Variants in CENPP observed in about 807,000 individuals in gnomAD.
The protein encoded by CENPP is centromere protein P.
CENPP carries 24 observed loss-of-function variants against 35.6 expected under a neutral mutation model. That is an observed-to-expected ratio of 0.67 (90% CI 0.49 to 0.95). CENPP has a LOEUF of 0.95. CENPP is among the 40% of genes least tolerant of loss of function. The pLI, the probability that CENPP is intolerant of heterozygous loss-of-function variation, is 0.00. For synonymous variants in CENPP, 120 were observed against 125.5 expected, an observed-to-expected ratio of 0.96 and a Z score of 0.29; for missense variants, 332 against 345.3, an observed-to-expected ratio of 0.96 and a Z score of 0.31.
chr9:92,387,362 C>T (rs538914709), intron 5 of CENPP, among the ~76,000 whole-genome samples: 22 of 149,080 alleles, frequency 1.5e-4, no homozygotes, highest in Non-Finnish European at 2.8e-4. Flanking sequence ...GGCCACAGAA[C>T]GAGACTCCAT....
intron 5 of CENPP, among the ~76,000 whole-genome samples, chr9:92,387,823 T>G (rs113503267): frequency 0.036 from 5,408 of 151,840 alleles, 131 homozygotes; most frequent in South Asian, 0.086. Context: ...TAGTGCAGTG[T>G]CATGATCTGA....
chr9:92,430,011 G>A (rs1188815306), intron 5 of CENPP, among the ~76,000 whole-genome samples: 1 of 152,196 alleles, frequency 6.6e-6, no homozygotes, highest in Non-Finnish European at 1.5e-5. Context: ...GTGCTAGTGT[G>A]TCTGAGGGGT....
chr9:92,458,233 C>G (rs1360165312), intron 5 of CENPP, among the ~76,000 whole-genome samples: 1 of 152,114 alleles, frequency 6.6e-6, no homozygotes. Context: ...CTTTAACAGC[C>G]CTTCTAATTT....
intron 5 of CENPP, among the ~76,000 whole-genome samples, chr9:92,571,283 T>G (rs1203461102): frequency 6.6e-6 from 1 of 152,226 alleles, no homozygotes; most frequent in African/African-American, 2.4e-5. Context: ...TGTTGTGTCT[T>G]TGTTCTCATT....
Position 92,332,198 on chromosome 9 carries a change from A to G in CENPP, c.136A>G (p.Asn46Asp). The G allele has an allele frequency of 1.2e-6, 2 of 1,606,382 alleles. No individual in the cohort carries two copies. The highest frequency in any genetic ancestry group is 1.7e-6 in the Non-Finnish European group (2 of 1,177,790). Residue 46 changes from asparagine (N) to aspartate (D), a missense_variant, in exon 2 of 8, where the codon AAT becomes GAT. Coordinates refer to ENST00000375587, the MANE Select transcript of CENPP (RefSeq NM_001012267.3). ...QKSFQAIHQF[N>D]LEGWKSSKDL... ...ATCTTTTCAAGCCATACACCAATTC[A>G]ATTTGGAAGGATGGAAGTCTTCAAA...
intron 5 of CENPP, chr9:92,517,517 CT>C: frequency 1.2e-6 from 1 of 857,638 alleles, no homozygotes; most frequent in Non-Finnish European, 1.8e-6. Flanking sequence ...TTTATATCCC[CT>C]ACCATACATT....
intron 5 of CENPP, among the ~76,000 whole-genome samples, chr9:92,597,665 T>G (rs567193105): frequency 1.9e-4 from 29 of 152,252 alleles, no homozygotes; most frequent in Non-Finnish European, 3.5e-4. Context: ...GCTTCTTCAT[T>G]ATCATTTCTG....
At chr9:92,535,967 T>A in intron 5 of CENPP, 1 of 509,856 alleles carries the variant, frequency 2.0e-6, no homozygotes, top group Non-Finnish European at 3.9e-6. Flanking sequence ...TTGCTTGGTG[T>A]CATTTAAGTC....
chr9:92,347,471 C>A (rs182764206), intron 4 of CENPP, among the ~76,000 whole-genome samples: 1 of 152,298 alleles, frequency 6.6e-6, no homozygotes, highest in Admixed American at 6.5e-5. Flanking sequence ...GAACATAGGT[C>A]AGAAGACCTG....
At chr9:92,562,780 C>G (rs926926008) in intron 5 of CENPP, among the ~76,000 whole-genome samples, 2 of 152,248 alleles carry the variant, frequency 1.3e-5, no homozygotes, top group African/African-American at 4.8e-5. Context: ...GGCTGTAAAC[C>G]AGAGTGACCA....
intron 5 of CENPP, among the ~76,000 whole-genome samples, chr9:92,546,070 A>T (rs1361973100): frequency 6.6e-6 from 1 of 151,378 alleles, no homozygotes; most frequent in East Asian, 1.9e-4. Flanking sequence ...ACCAATCAGC[A>T]CCCTGTGTCT....
intron 4 of CENPP, among the ~76,000 whole-genome samples, chr9:92,379,217 T>C (rs565740883): frequency 6.6e-6 from 1 of 152,326 alleles, no homozygotes; most frequent in African/African-American, 2.4e-5. Context: ...CCAGACACAT[T>C]ATCCTCCCAG....
intron 5 of CENPP, among the ~76,000 whole-genome samples, chr9:92,471,943 C>T (rs1461684964): frequency 6.6e-6 from 1 of 152,130 alleles, no homozygotes; most frequent in African/African-American, 2.4e-5. Flanking sequence ...TTGATAGAAC[C>T]GTCCTCACTC....
chr9:92,353,664 T>C (rs374740491), intron 4 of CENPP, among the ~76,000 whole-genome samples: 2 of 152,188 alleles, frequency 1.3e-5, no homozygotes, highest in Admixed American at 6.5e-5. Flanking sequence ...ACTTCCAGTT[T>C]AATGAGATCT....
At chr9:92,577,882 C>T (rs937020549) in intron 5 of CENPP, among the ~76,000 whole-genome samples, 258 of 151,680 alleles carry the variant, frequency 1.7e-3, no homozygotes, top group Non-Finnish European at 2.9e-3. Context: ...ATGTGCCATG[C>T]TGGTGCACTG....
chr9:92,509,073 A>G (rs1847180691), intron 5 of CENPP, among the ~76,000 whole-genome samples: 1 of 151,712 alleles, frequency 6.6e-6, no homozygotes, highest in South Asian at 2.1e-4. Flanking sequence ...TGACAACTTC[A>G]GCTGTCTAGC....
rs1002631225 is a variant in CENPP at position 92,374,457 on chromosome 9, C to T, written c.468-5306C>T. On this transcript the variant is annotated intron_variant, in intron 4 of 7. Transcript: ENST00000375587. ...CCAAACTCAGGTGATCCGCCCACCT[C>T]GGCCTCCCAATCTTTAGTTATTTTC... Among the ~76,000 whole-genome samples the T allele has an allele frequency of 3.9e-5, 6 of 152,086 alleles. No individual in the cohort carries two copies. In the South Asian group the frequency reaches 8.3e-4, roughly 21 times the overall value.
chr9:92,427,899 G>A (rs1196194200), intron 5 of CENPP, among the ~76,000 whole-genome samples: 1 of 152,210 alleles, frequency 6.6e-6, no homozygotes, highest in African/African-American at 2.4e-5. Flanking sequence ...GGCCAGCTTG[G>A]CTGATGCCTA....
chr9:92,412,008 CTG>C (rs1382663313), intron 5 of CENPP, among the ~76,000 whole-genome samples: 3 of 151,960 alleles, frequency 2.0e-5, no homozygotes, highest in African/African-American at 4.8e-5. Context: ...CTTCAAATAA[CTG>C]TTTTATTGAG....
Sources: gnomAD v4.1 joint callset for allele counts (sites outside exome capture counted in the v4.1 genomes callset) on GRCh38, gnomAD v4.1.1 for gene constraint, MANE v1.5 for transcripts, NCBI Gene and HGNC (gene_info 2026-07-23, HGNC 2026-07-21) for gene names.